NXPE2: variants seen among roughly 807,000 people sequenced by gnomAD.
NXPE2 encodes the protein neurexophilin and PC-esterase domain family member 2.
A neutral mutation model predicts 34.4 loss-of-function variants in NXPE2; 34 were observed. The ratio of observed to expected loss-of-function variants is 0.99; its 90% CI spans 0.75 to 1.31. The LOEUF (loss-of-function observed/expected upper bound fraction) is 1.31. NXPE2 is among the 40% of genes most tolerant of loss of function. NXPE2 has a pLI of 0.00. For synonymous variants in NXPE2, 235 were observed against 231.3 expected, an observed-to-expected ratio of 1.02 and a Z score of -0.15; for missense variants, 649 against 672.5, an observed-to-expected ratio of 0.97 and a Z score of 0.39.
At chr11:114,738,023 G>C in the NXPE2 span, among the ~76,000 whole-genome samples, 1 of 152,164 alleles carries the variant, frequency 6.6e-6, no homozygotes, top group Non-Finnish European at 1.5e-5. Flanking sequence ...GGGGGCGGAG[G>C]CTGCGGTGAG....
chr11:114,683,564 G>A (rs1394000755), intron 2 of NXPE2, among the ~76,000 whole-genome samples: 2 of 152,018 alleles, frequency 1.3e-5, no homozygotes, highest in African/African-American at 2.4e-5. Flanking sequence ...GGGATTACAG[G>A]CGCGTGCCAC....
the NXPE2 span, among the ~76,000 whole-genome samples, chr11:114,490,279 G>A: frequency 6.6e-6 from 1 of 152,182 alleles, no homozygotes; most frequent in Non-Finnish European, 1.5e-5. Flanking sequence ...TGGCCATACT[G>A]CCCAAGATGA....
chr11:114,560,859 T>C, the NXPE2 span, among the ~76,000 whole-genome samples: 5,302 of 152,314 alleles, frequency 0.035, 138 homozygotes, highest in Middle Eastern at 0.085. Flanking sequence ...GAATGTCACA[T>C]AGCTGCAATC....
At chr11:114,495,571 A>T in the NXPE2 span, among the ~76,000 whole-genome samples, 1 of 151,570 alleles carries the variant, frequency 6.6e-6, no homozygotes, top group East Asian at 2.0e-4. Context: ...TCTTTCCTCA[A>T]GCAGAAGCAG....
At chr11:114,536,514 A>C in the NXPE2 span, among the ~76,000 whole-genome samples, 4 of 152,168 alleles carry the variant, frequency 2.6e-5, no homozygotes, top group Non-Finnish European at 5.9e-5. Flanking sequence ...GAAAAGATCA[A>C]CAAAATTGAT....
chr11:114,749,816 G>A, the NXPE2 span, among the ~76,000 whole-genome samples: 7 of 152,002 alleles, frequency 4.6e-5, no homozygotes, highest in South Asian at 2.1e-4. Context: ...GAAACTCACC[G>A]TAAACCTCCT....
At chr11:114,633,545 G>T in the NXPE2 span, among the ~76,000 whole-genome samples, 1 of 151,082 alleles carries the variant, frequency 6.6e-6, no homozygotes, top group Non-Finnish European at 1.5e-5. Context: ...CATGTGCCAT[G>T]CTTGTGTGCT....
chr11:114,806,928 G>C, the NXPE2 span, among the ~76,000 whole-genome samples: 2 of 152,110 alleles, frequency 1.3e-5, no homozygotes, highest in South Asian at 2.1e-4. Context: ...AAAATGTTAA[G>C]GGCAGCCAGA....
the NXPE2 span, among the ~76,000 whole-genome samples, chr11:114,515,726 A>G: frequency 7.0e-6 from 1 of 142,110 alleles, no homozygotes; most frequent in Admixed American, 7.0e-5. Context: ...AAGAAGAGTA[A>G]GAGGCTGTGG....
the NXPE2 span, among the ~76,000 whole-genome samples, chr11:114,515,870 A>G: frequency 3.9e-3 from 588 of 152,314 alleles, 6 homozygotes; most frequent in African/African-American, 0.013. Flanking sequence ...CAAAAGAAAA[A>G]TCACCATAAA....
At chr11:114,582,430 A>T in the NXPE2 span, 1 of 1,614,204 alleles carries the variant, frequency 6.2e-7, no homozygotes, top group Non-Finnish European at 8.5e-7. Flanking sequence ...AGGTACTGGC[A>T]CAATTCAGCA....
the NXPE2 span, among the ~76,000 whole-genome samples, chr11:114,726,941 C>T: frequency 6.0e-5 from 9 of 150,910 alleles, no homozygotes; most frequent in African/African-American, 1.2e-4. Flanking sequence ...TTCTGGTCAT[C>T]GTATTGTCTA....
the NXPE2 span, among the ~76,000 whole-genome samples, chr11:114,474,512 G>A: frequency 2.6e-5 from 4 of 152,174 alleles, no homozygotes; most frequent in Non-Finnish European, 5.9e-5. Flanking sequence ...AAATGCTATT[G>A]TCAAGTGTAT....
At chr11:114,631,116 C>T in the NXPE2 span, among the ~76,000 whole-genome samples, 5 of 151,660 alleles carry the variant, frequency 3.3e-5, no homozygotes, top group African/African-American at 1.2e-4. Context: ...GTCAGTGTGG[C>T]GATTCTCAGG....
chr11:114,561,336 C>T, the NXPE2 span, among the ~76,000 whole-genome samples: 39 of 152,262 alleles, frequency 2.6e-4, no homozygotes, highest in African/African-American at 9.4e-4. Flanking sequence ...TTTTTTCTCC[C>T]ACTCAGCGTA....
chr11:114,620,254 T>C, the NXPE2 span, among the ~76,000 whole-genome samples: 1 of 152,136 alleles, frequency 6.6e-6, no homozygotes, highest in African/African-American at 2.4e-5. Context: ...AATTATTGCC[T>C]CGTGGGTAAC....
At chr11:114,803,743 A>AT in the NXPE2 span, among the ~76,000 whole-genome samples, 20 of 152,036 alleles carry the variant, frequency 1.3e-4, no homozygotes, top group Admixed American at 1.1e-3. Context: ...CGCCTGACTC[A>AT]TTTTTTGTAT....
At chr11:114,590,020 C>T in the NXPE2 span, among the ~76,000 whole-genome samples, 1 of 152,210 alleles carries the variant, frequency 6.6e-6, no homozygotes, top group Admixed American at 6.5e-5. Context: ...TCCTGACTCT[C>T]AATACCTGTT....
chr11:114,652,602 GTTA>G, the NXPE2 span, among the ~76,000 whole-genome samples: 1 of 152,186 alleles, frequency 6.6e-6, no homozygotes, highest in Admixed American at 6.5e-5. Flanking sequence ...TATGTTAACT[GTTA>G]TTGTCATAAT....
Sources: gnomAD v4.1 joint callset for allele counts (sites outside exome capture counted in the v4.1 genomes callset) on GRCh38, gnomAD v4.1.1 for gene constraint, MANE v1.5 for transcripts, NCBI Gene and HGNC (gene_info 2026-07-23, HGNC 2026-07-21) for gene names.